BTNL2: variants seen among roughly 807,000 people sequenced by gnomAD.
BTNL2 encodes butyrophilin-like protein 2.
BTNL2 carries 46 observed loss-of-function variants against 46.8 expected under a neutral mutation model. The observed-to-expected ratio is 0.98, with a 90% confidence interval of 0.78 to 1.26. The LOEUF (loss-of-function observed/expected upper bound fraction) is 1.26. BTNL2 is among the 50% of genes most tolerant of loss of function. The probability of loss-of-function intolerance (pLI) is 0.00; values close to 1 mark genes in which losing one functional copy is unlikely to be tolerated. For missense variants in BTNL2, 461 were observed against 592.6 expected (o/e 0.78, Z 2.31); for synonymous variants, 226 against 229.1 (o/e 0.99, Z 0.12).
chr6:32,403,158 A>T lies in BTNL2; in HGVS notation c.486T>A (p.Leu162=). ...GGAACCAGCCCCTTGCAGTGCACAC[A>T]AGCTGGACTCCACTCTCCCCAGGTC... is the stretch of plus-strand genomic sequence containing the variant. ...MEGPGESGVQ[L]VCTARGWFPE... is the part of the protein sequence containing the mutation. Residue 162 remains leucine, a synonymous_variant, in exon 3 of 8, where the codon CTT becomes CTA. Coordinates refer to ENST00000454136, the MANE Select transcript of BTNL2 (RefSeq NM_001304561.2). 6.2e-7 allele frequency: 1 copy of T among 1,612,450 alleles called. No individual in the cohort carries two copies. Among genetic ancestry groups the T allele is most frequent in the East Asian group, 2.2e-5 (1 of 44,842 alleles).
Position 32,396,156 on chromosome 6 carries a change from C to T in BTNL2, c.961G>A (p.Glu321Lys), listed in dbSNP as rs749332470. Residue 321 changes from glutamate to lysine, a missense_variant, in exon 5 of 8, where the codon GAG becomes AAG. Physicochemically the swap from Glu to Lys is moderately conservative, Grantham distance 56. Coordinates refer to ENST00000454136, the MANE Select transcript of BTNL2 (RefSeq NM_001304561.2). This position sits in a 1 kb window ranked among gnomAD's most constrained non-coding sequence, Gnocchi z 4.4. ...AGTATCTGCAGGGTCAGTCTGCCCTCGTCAATGGCGTCACTCACCAGTACA... is the reference window on the plus strand; with the variant it reads ...AGTATCTGCAGGGTCAGTCTGCCCTTGTCAATGGCGTCACTCACCAGTACA... ...RTVLVSDAID[E>K]GRLTLQILSA... 6.5e-5 allele frequency: 105 copies of T among 1,612,970 alleles called. No individual in the cohort carries two copies. The highest frequency in any genetic ancestry group is 8.3e-5 in the Admixed American group (5 of 60,002).
At chr6:32,397,499 C>T (rs528098018) in intron 4 of BTNL2, among the ~76,000 whole-genome samples, 2 of 152,128 alleles carry the variant, frequency 1.3e-5, no homozygotes, top group African/African-American at 2.4e-5. Context: ...ATGAGTCATC[C>T]TTTTCTCAGT....
rs9268480 is a variant in BTNL2 at position 32,396,067 on chromosome 6, C to T, written c.1050G>A (p.Gln350=). The change falls in exon 5 of 8, where the codon CAG becomes CAA. Residue 350 remains glutamine (Q), a synonymous_variant. Coordinates refer to ENST00000454136, the MANE Select transcript of BTNL2 (RefSeq NM_001304561.2). This position sits in a 1 kb window ranked among gnomAD's most constrained non-coding sequence, Gnocchi z 4.4. ...CCACCTTCAGATCCAAACTGGCCTC[C>T]TGGTAGACATCATCTTTTTCAAAAA... ...RCLFEKDDVY[Q]EASLDLKVVS... 0.27 allele frequency: 441,530 copies of T among 1,612,570 alleles called. 62,843 individuals carry two copies. Among genetic ancestry groups the T allele is most frequent in the Admixed American group, 0.33 (19,624 of 59,998 alleles).
rs1000273906 is a variant in BTNL2 at position 32,394,946 on chromosome 6, C to T, written c.1158G>A (p.Trp386Ter). 3 of 1,614,038 alleles carry T rather than the reference C, an allele frequency of 1.9e-6. No homozygotes were observed. The African/African-American group carries it at 4.0e-5, about 22-fold the overall frequency. The change falls in exon 6 of 8, where the codon TGG becomes TGA. Residue 386 changes from tryptophan to a stop codon, truncating the protein, a stop_gained. Transcript: ENST00000454136. LOFTEE classifies it high-confidence loss of function. The surrounding 1 kb of genome is among the most constrained non-coding windows in gnomAD (Gnocchi z 4.6). ...TCCATGGCACGTGGGGCTGTGGGAA[C>T]CACCCATCTGAAGAGCACATCGGCT... is the stretch of plus-strand genomic sequence containing the variant. ...EMQPMCSSDGWFPQPHVPWRD... is the reference protein window; with the variant it reads ...EMQPMCSSDG
chr6:32,396,986 A>G lies in BTNL2; in HGVS notation c.731-600T>C, dbSNP rs1324513366. Reference sequence around the variant, plus strand: ...CAAAGCGAGACTTTAAAAACAAACAAACAAAAAACACCCAGAATAAAGTGA... The same window carrying G: ...CAAAGCGAGACTTTAAAAACAAACAGACAAAAAACACCCAGAATAAAGTGA... On this transcript the variant is annotated intron_variant, in intron 4 of 7. Coordinates refer to ENST00000454136, the MANE Select transcript of BTNL2 (RefSeq NM_001304561.2). The surrounding 1 kb of genome is among the most constrained non-coding windows in gnomAD (Gnocchi z 4.4). Among the ~76,000 whole-genome samples, 1 of 151,738 alleles carries G rather than the reference A, an allele frequency of 6.6e-6. No individual in the cohort carries two copies. The highest frequency in any genetic ancestry group is 2.4e-5 in the African/African-American group (1 of 41,420).
Position 32,400,745 on chromosome 6 carries a change from T to TAAAAATACAAAAAAA in BTNL2, c.730+1039_730+1040insTTTTTTTGTATTTTT, listed in dbSNP as rs9281774. 1.7e-4 allele frequency among the ~76,000 whole-genome samples: 14 copies of TAAAAATACAAAAAAA among 82,158 alleles called. 1 individual carries two copies. The highest frequency in any genetic ancestry group is 2.6e-4 in the Admixed American group (2 of 7,594). The allele number at this position is 82,158 out of a possible 152,430, so 53.9% of individuals were successfully genotyped here. On this transcript the variant is annotated intron_variant, in intron 4 of 7. Coordinates refer to ENST00000454136, the MANE Select transcript of BTNL2 (RefSeq NM_001304561.2). ...CAACATGGTGAAACCCCGTCTCTACTAAAAAAAAAAAAAAAAAATTAGCTG... is the reference window on the plus strand; with the variant it reads ...CAACATGGTGAAACCCCGTCTCTACTAAAAATACAAAAAAAAAAAAAAAAAAAAAAAAATTAGCTG...
chr6:32,398,033 T>A (rs1776551786), intron 4 of BTNL2, among the ~76,000 whole-genome samples: 1 of 152,218 alleles, frequency 6.6e-6, no homozygotes. Context: ...TGTGAAACAA[T>A]GATGAATGTA....
rs756123813 is a variant in BTNL2 at position 32,401,845 on chromosome 6, G to A, written c.710-40C>T. Reference sequence around the variant, plus strand: ...AGAATAACATATTAAGGAATTTGGTGTAAGGGAAAGGAGAGAAACTATTTT... The same window carrying A: ...AGAATAACATATTAAGGAATTTGGTATAAGGGAAAGGAGAGAAACTATTTT... On this transcript the variant is annotated intron_variant, in intron 3 of 7. Transcript: ENST00000454136. The A allele has an allele frequency of 3.2e-6, 5 of 1,577,842 alleles. No homozygotes were observed. The South Asian group carries it at 5.7e-5, about 18-fold the overall frequency.
chr6:32,403,998 T>C (rs1330322563), intron 2 of BTNL2, among the ~76,000 whole-genome samples: 1 of 152,216 alleles, frequency 6.6e-6, no homozygotes, highest in Non-Finnish European at 1.5e-5. Flanking sequence ...TTTGTAAATG[T>C]TCCTGATATT....
intron 5 of BTNL2, 136 bp downstream of exon 5, chr6:32,395,903 C>T (rs1776417073): frequency 2.9e-6 from 2 of 699,248 alleles, no homozygotes; most frequent in Non-Finnish European, 4.7e-6. Flanking sequence ...GTTTCACACA[C>T]TGGAGGATTT....
Position 32,393,647 on chromosome 6 carries a change from T to G in BTNL2, c.*7-258A>C, listed in dbSNP as rs17208734. On this transcript the variant is annotated intron_variant, in intron 7 of 7. Transcript: ENST00000454136. The surrounding 1 kb of genome is among the most constrained non-coding windows in gnomAD (Gnocchi z 4.8). The stretch of plus-strand genomic sequence containing the variant: ...CTCAGTGAACCTCAGCTCTCAGCCT[T>G]GAAAACAAGGATGGCTGTACTACTC... 2 of 194,968 alleles carry G rather than the reference T, an allele frequency of 1.0e-5. No homozygotes were observed. The highest frequency in any genetic ancestry group is 4.7e-5 in the African/African-American group (2 of 42,876). The allele number at this position is 194,968 out of a possible 1,614,324, so 12.1% of individuals were successfully genotyped here. A position where few individuals can be genotyped will look rare whatever the true frequency, so the allele number is the denominator to read the frequency against.
rs558159928 is a variant in BTNL2 at position 32,400,608 on chromosome 6, A to T, written c.730+1177T>A. Among the ~76,000 whole-genome samples, 298 of 151,754 alleles carry T rather than the reference A, an allele frequency of 2.0e-3. 1 individual carries two copies. Among genetic ancestry groups the T allele is most frequent in the African/African-American group, 6.9e-3 (287 of 41,412 alleles). The stretch of plus-strand genomic sequence containing the variant: ...ATAATACCCTCAGTCCAACTCCGAG[A>T]TTTAAAAAACAAAAATTAGGCTGGG... On this transcript the variant is annotated intron_variant, in intron 4 of 7. Transcript: ENST00000454136.
In BTNL2 at chr6:32,401,806, C is replaced by T; in HGVS notation, c.710-1G>A. The stretch of plus-strand genomic sequence containing the variant: ...TTACCCAGCTCAGTCTGGAGTTTCT[C>T]TGGAAAAAGAACAAGAATAACATAT... On this transcript the variant is annotated splice_acceptor_variant, in intron 3 of 7. Transcript: ENST00000454136. LOFTEE classifies it high-confidence loss of function. 1 of 1,610,726 alleles carries T rather than the reference C, an allele frequency of 6.2e-7. No homozygotes were observed. Among genetic ancestry groups the T allele is most frequent in the South Asian group, 1.1e-5 (1 of 90,150 alleles).
In BTNL2 at chr6:32,396,539, T is replaced by A. The variant is rs187751707; in HGVS notation, c.731-153A>T. ...ATCCTTAGGTGAGGTGGGGGTTTCA[T>A]GGACTCAGAATAGAGGTTGCTCTTC... On this transcript the variant is annotated intron_variant, in intron 4 of 7. Transcript: ENST00000454136. This position sits in a 1 kb window ranked among gnomAD's most constrained non-coding sequence, Gnocchi z 4.4. 8.3e-6 allele frequency: 6 copies of A among 723,660 alleles called. No homozygotes were observed. Among genetic ancestry groups the A allele is most frequent in the African/African-American group, 5.3e-5 (3 of 56,940 alleles). 44.8% of individuals were successfully genotyped at this position (723,660 alleles called of 1,614,324 possible).
intron 4 of BTNL2, among the ~76,000 whole-genome samples, chr6:32,400,298 C>T (rs9296026): frequency 6.6e-6 from 1 of 152,150 alleles, no homozygotes; most frequent in African/African-American, 2.4e-5. Flanking sequence ...TGATTTTCCT[C>T]AAAAACTCTT....
rs1162211290 is a variant in BTNL2 at position 32,402,978 on chromosome 6, G to A, written c.666C>T (p.Asn222=). 6.2e-7 allele frequency: 1 copy of A among 1,613,096 alleles called. No homozygotes were observed. The highest frequency in any genetic ancestry group is 1.7e-5 in the Admixed American group (1 of 60,030). Residue 222 remains asparagine, a synonymous_variant, in exon 3 of 8, where the codon AAC becomes AAT. Transcript: ENST00000454136. ...SAESVSCLVH[N]PVLTEEKGSV... ...ACCCCTTCTCCTCAGTGAGGACGGG[G>A]TTGTGGACCAAGCAGGACACAGACT...
intron 5 of BTNL2, 57 bp downstream of exon 5, chr6:32,395,982 C>T: frequency 7.4e-7 from 1 of 1,346,880 alleles, no homozygotes; most frequent in Non-Finnish European, 1.0e-6. Flanking sequence ...CAGGAACTAG[C>T]ATATTAAAGT....
In BTNL2 at chr6:32,396,188, C is replaced by T; in HGVS notation, c.929G>A (p.Gly310Glu). The change falls in exon 5 of 8, where the codon GGG becomes GAG. Residue 310 changes from glycine to glutamate, a missense_variant. Coordinates refer to ENST00000454136, the MANE Select transcript of BTNL2 (RefSeq NM_001304561.2). This position sits in a 1 kb window ranked among gnomAD's most constrained non-coding sequence, Gnocchi z 4.4. ...GGCGTCACTCACCAGTACAGTCCTC[C>T]CTCTGTACTCTGCCATCTGCTCTCC... ...VAGEQMAEYR[G>E]RTVLVSDAID... is the part of the protein sequence containing the mutation. 6.2e-7 allele frequency: 1 copy of T among 1,613,026 alleles called. No individual in the cohort carries two copies. The highest frequency in any genetic ancestry group is 8.5e-7 in the Non-Finnish European group (1 of 1,179,976).
chr6:32,405,821 T>TGC (rs1554226010), intron 1 of BTNL2, among the ~76,000 whole-genome samples: 1 of 146,164 alleles, frequency 6.8e-6, no homozygotes, highest in African/African-American at 2.5e-5. Context: ...TTTTTTTGTT[T>TGC]TTTTTTTGTT....
Sources: allele counts gnomAD v4.1 joint callset (sites outside exome capture counted in the v4.1 genomes callset), GRCh38; gene constraint gnomAD v4.1.1; non-coding constraint Gnocchi (gnomAD v3.1); transcripts MANE v1.5; gene names NCBI Gene and HGNC (gene_info 2026-07-23, HGNC 2026-07-21).